Variants in RCC1L observed in about 807,000 individuals in gnomAD.
The protein encoded by RCC1L is RCC1 like.
In RCC1L, 46 loss-of-function variants were observed where a neutral mutation model predicts 58.6. The ratio of observed to expected loss-of-function variants is 0.79; its 90% CI spans 0.62 to 1.00. RCC1L has a LOEUF of 1.00. Among genes scored for constraint, RCC1L ranks in the 50% least tolerant of loss-of-function variants. RCC1L has a pLI of 0.00. For missense variants in RCC1L, 636 were observed against 623.6 expected, an observed-to-expected ratio of 1.02 and a Z score of -0.21; for synonymous variants, 281 against 262.9, an observed-to-expected ratio of 1.07 and a Z score of -0.67.
At chr7:75,049,341 T>A (rs1805837341) in intron 10 of RCC1L, among the ~76,000 whole-genome samples, 1 of 151,676 alleles carries the variant, frequency 6.6e-6, no homozygotes. Flanking sequence ...ATCTCTCAAA[T>A]AAATAAAATA....
chr7:75,035,828 C>A (rs1442652167), intron 10 of RCC1L, among the ~76,000 whole-genome samples: 8 of 151,988 alleles, frequency 5.3e-5, no homozygotes, highest in African/African-American at 1.4e-4. Flanking sequence ...ACAGTGAGGT[C>A]CCCCCATCTC....
In RCC1L at chr7:75,066,663, C is replaced by T; in HGVS notation, c.583+1G>A. On this transcript the variant is annotated splice_donor_variant, in intron 3 of 10. Transcript: ENST00000610322. LOFTEE classifies it high-confidence loss of function. ...CATCACCCTTCAATAGGTCAACTCACCTCCTTCCCTGTCAGTCAACACAAG... is the reference window on the plus strand; with the variant it reads ...CATCACCCTTCAATAGGTCAACTCATCTCCTTCCCTGTCAGTCAACACAAG... The T allele has an allele frequency of 6.2e-7, 1 of 1,611,612 alleles. No homozygotes were observed. The highest frequency in any genetic ancestry group is 8.5e-7 in the Non-Finnish European group (1 of 1,178,834).
At chr7:75,070,448 G>A (rs1457026798) in intron 2 of RCC1L, among the ~76,000 whole-genome samples, 192 bp downstream of exon 2, 1 of 152,100 alleles carries the variant, frequency 6.6e-6, no homozygotes, top group African/African-American at 2.4e-5. Context: ...GCATGTGCCT[G>A]TAATCCCAGC....
Position 75,073,675 on chromosome 7 carries a change from C to CA in RCC1L, c.62dup (p.Arg23AlafsTer102). On this transcript the variant is annotated frameshift_variant, in exon 1 of 11. Transcript: ENST00000610322. LOFTEE classifies it high-confidence loss of function. ...CGGCCGCCGTCCAGTGCCCTCGCCCCAGCCCCGGCCCGCTCAGCCGCCGCC... is the reference window on the plus strand; with the variant it reads ...CGGCCGCCGTCCAGTGCCCTCGCCCCAAGCCCCGGCCCGCTCAGCCGCCGCC... 6.7e-7 allele frequency: 1 copy of CA among 1,496,986 alleles called. No homozygotes were observed. Among genetic ancestry groups the CA allele is most frequent in the Non-Finnish European group, 8.8e-7 (1 of 1,129,952 alleles). The allele number at this position is 1,496,986 out of a possible 1,614,324, so 92.7% of individuals were successfully genotyped here. A position where few individuals can be genotyped will look rare whatever the true frequency, so the allele number is the denominator to read the frequency against.
At chr7:75,032,850 TTA>T in intron 10 of RCC1L, among the ~76,000 whole-genome samples, 4 of 151,810 alleles carry the variant, frequency 2.6e-5, no homozygotes, top group Admixed American at 1.3e-4. Flanking sequence ...GGCGGGAGGA[TTA>T]CCTGAGGTCA....
chr7:75,053,559 C>T lies in RCC1L; in HGVS notation c.1232-763G>A, dbSNP rs952535468. ...CCAGGAGCTGGGGACTGGCCAGAGA[C>T]GGAACAGACAGATGATTTTAATATA... On this transcript the variant is annotated intron_variant, in intron 9 of 10. Transcript: ENST00000610322. Among the ~76,000 whole-genome samples the T allele has an allele frequency of 1.4e-3, 215 of 152,088 alleles. 1 individual carries two copies. The highest frequency in any genetic ancestry group is 3.2e-3 in the Middle Eastern group (1 of 316).
intron 2 of RCC1L, among the ~76,000 whole-genome samples, chr7:75,068,948 C>A (rs917208710): frequency 3.9e-5 from 6 of 152,074 alleles, no homozygotes; most frequent in Admixed American, 3.9e-4. Context: ...CGGCTCACTG[C>A]AACCTCTGCC....
chr7:75,042,212 T>C lies in RCC1L; in HGVS notation c.*820A>G. On this transcript the variant is annotated 3_prime_UTR_variant, in exon 11 of 11. Transcript: ENST00000610322. ...AAACCAAAAGGCAGAAAATAGACTT[T>C]ATTCCAAGACAGATTTGTAAAAGAT... 1 of 985,478 alleles carries C rather than the reference T, an allele frequency of 1.0e-6. No homozygotes were observed. Among genetic ancestry groups the C allele is most frequent in the South Asian group, 4.7e-5 (1 of 21,292 alleles). The allele number at this position is 985,478 out of a possible 1,614,324, so 61.0% of individuals were successfully genotyped here. A position where few individuals can be genotyped will look rare whatever the true frequency, so the allele number is the denominator to read the frequency against.
intron 10 of RCC1L, among the ~76,000 whole-genome samples, chr7:75,050,575 C>T (rs1805873331): frequency 6.6e-6 from 1 of 152,042 alleles, no homozygotes; most frequent in Admixed American, 6.6e-5. Context: ...TTCCCAAGTT[C>T]CCCCCTCAGA....
intron 10 of RCC1L, among the ~76,000 whole-genome samples, chr7:75,033,291 C>T (rs1041713898): frequency 1.1e-4 from 16 of 151,878 alleles, no homozygotes; most frequent in East Asian, 3.9e-4. Flanking sequence ...GACCAGCTGC[C>T]GGCCAATAGT....
chr7:75,064,729 G>C, intron 3 of RCC1L, 81 bp from the exon 4 acceptor site: 3 of 1,500,486 alleles, frequency 2.0e-6, no homozygotes, highest in Non-Finnish European at 2.8e-6. Flanking sequence ...GGTCTCGCTG[G>C]TGGTCCCGTC....
At chr7:75,035,140 C>T (rs1172727175) in intron 10 of RCC1L, among the ~76,000 whole-genome samples, 4 of 152,194 alleles carry the variant, frequency 2.6e-5, no homozygotes, top group Non-Finnish European at 4.4e-5. Context: ...AAGTGATTCT[C>T]GTGCCTCAGC....
intron 10 of RCC1L, among the ~76,000 whole-genome samples, chr7:75,034,539 G>A (rs1243229061): frequency 6.6e-6 from 1 of 152,066 alleles, no homozygotes; most frequent in Non-Finnish European, 1.5e-5. Flanking sequence ...AAACAAAAAA[G>A]GTGATTGCTC....
chr7:75,064,695 T>C (rs1806400511), intron 3 of RCC1L, 47 bp from the exon 4 acceptor site: 1 of 1,605,270 alleles, frequency 6.2e-7, no homozygotes, highest in African/African-American at 1.3e-5. Flanking sequence ...GTTTGTGGGA[T>C]CCTAGAATGT....
intron 10 of RCC1L, among the ~76,000 whole-genome samples, chr7:75,049,414 T>C (rs1805839428): frequency 6.6e-6 from 1 of 151,882 alleles, no homozygotes; most frequent in African/African-American, 2.4e-5. Context: ...TAATCTCAGC[T>C]ATTCCAGAGG....
downstream of RCC1L, among the ~76,000 whole-genome samples, chr7:75,038,441 T>C (rs1362743538): frequency 6.6e-6 from 1 of 152,072 alleles, no homozygotes; most frequent in African/African-American, 2.4e-5. Flanking sequence ...TGTTTTTATT[T>C]ATTTATTTTT....
Position 75,052,804 on chromosome 7 carries a change from G to A in RCC1L, c.1232-8C>T, listed in dbSNP as rs1462689869. The A allele has an allele frequency of 4.3e-6, 7 of 1,611,640 alleles. No homozygotes were observed. Among genetic ancestry groups the A allele is most frequent in the Non-Finnish European group, 5.9e-6 (7 of 1,179,116 alleles). On this transcript the variant is annotated splice_polypyrimidine_tract_variant and splice_region_variant and intron_variant, in intron 9 of 10. Coordinates refer to ENST00000610322, the MANE Select transcript of RCC1L (RefSeq NM_030798.5). The stretch of plus-strand genomic sequence containing the variant: ...CAAACAGCTCTCCTTTGTCTGCAAA[G>A]GGAGGAAAACAGGGGTTGGTTGGGA...
chr7:75,070,708 G>T lies in RCC1L; in HGVS notation c.386C>A (p.Thr129Lys). ...GTTGAGTCCCATCCCCCAGACTTTC[G>T]TAACATCCGCAGTCTTAGAGGACAG... The part of the protein sequence containing the change: ...TLLSSKTADV[T>K]KVWGMGLNKD... Residue 129 changes from threonine (T) to lysine (K), a missense_variant, in exon 2 of 11, where the codon ACG becomes AAG. By Grantham distance (78) the Thr-to-Lys change is moderately conservative. Coordinates refer to ENST00000610322, the MANE Select transcript of RCC1L (RefSeq NM_030798.5). The T allele has an allele frequency of 3.7e-6, 6 of 1,614,044 alleles. No individual in the cohort carries two copies. The highest frequency in any genetic ancestry group is 5.1e-6 in the Non-Finnish European group (6 of 1,180,006).
chr7:75,064,899 C>T (rs893090583), intron 3 of RCC1L, among the ~76,000 whole-genome samples: 1 of 152,124 alleles, frequency 6.6e-6, no homozygotes, highest in Non-Finnish European at 1.5e-5. Flanking sequence ...AGGCTAGAAC[C>T]GGACTCCCCA....
Sources: gnomAD v4.1 joint callset for allele counts (sites outside exome capture counted in the v4.1 genomes callset) on GRCh38, gnomAD v4.1.1 for gene constraint, MANE v1.5 for transcripts, NCBI Gene and HGNC (gene_info 2026-07-23, HGNC 2026-07-21) for gene names.